The following ANKRD30BL variants were observed in gnomAD, a reference collection of about 807,000 sequenced individuals.
ANKRD30BL encodes ankyrin repeat domain 30B like.
ANKRD30BL carries 20 observed loss-of-function variants against 18.4 expected under a neutral mutation model. The observed-to-expected ratio is 1.09, with a 90% CI of 0.77 to 1.58. The LOEUF is 1.58. ANKRD30BL is among the 40% of genes most tolerant of loss of function. The pLI, the probability that ANKRD30BL is intolerant of heterozygous loss-of-function variation, is 0.00. For missense variants in ANKRD30BL, 224 were observed against 268.6 expected (o/e 0.83, Z 1.16); for synonymous variants, 72 against 100.9 (o/e 0.71, Z 1.72).
chr2:132,221,047 G>A (rs567617097), intron 1 of ANKRD30BL, among the ~76,000 whole-genome samples: 21 of 150,390 alleles, frequency 1.4e-4, no homozygotes, highest in African/African-American at 4.4e-4. Flanking sequence ...GCCTCTGCCC[G>A]GCCGCCCCGT....
intron 1 of ANKRD30BL, among the ~76,000 whole-genome samples, chr2:132,232,333 G>A (rs1195706533): frequency 1.3e-5 from 2 of 152,314 alleles, no homozygotes; most frequent in East Asian, 3.9e-4. Context: ...AAGCTGGATG[G>A]AGAATGACTT....
intron 1 of ANKRD30BL, among the ~76,000 whole-genome samples, chr2:132,241,625 G>T (rs1327958912): frequency 3.3e-5 from 5 of 151,772 alleles, no homozygotes; most frequent in Non-Finnish European, 5.9e-5. Context: ...CACTCTTTTT[G>T]TAGAATCTGC....
chr2:132,221,483 C>T lies in ANKRD30BL; in HGVS notation n.441+36046G>A, dbSNP rs1274089527. Among the ~76,000 whole-genome samples the T allele has an allele frequency of 1.5e-4, 19 of 128,998 alleles. 1 individual carries two copies. The highest frequency in any genetic ancestry group is 1.8e-4 in the African/African-American group (5 of 28,010). 84.6% of individuals were successfully genotyped at this position (128,998 alleles called of 152,430 possible). On this transcript the variant is annotated intron_variant and non_coding_transcript_variant, in intron 1 of 4. Coordinates refer to the ANKRD30BL transcript ENST00000470729. ...GAGGTGAGGGGCGCCTCTGCCTGGC[C>T]GCCCCTACTGGGAAGTGAGGAGCCC...
chr2:132,208,617 G>T (rs1175221828), intron 1 of ANKRD30BL, among the ~76,000 whole-genome samples: 1 of 151,936 alleles, frequency 6.6e-6, no homozygotes, highest in Non-Finnish European at 1.5e-5. Context: ...AGAAATTTCA[G>T]CTATTTACCA....
intron 1 of ANKRD30BL, among the ~76,000 whole-genome samples, chr2:132,235,525 G>A (rs1002140222): frequency 6.6e-6 from 1 of 152,050 alleles, no homozygotes; most frequent in African/African-American, 2.4e-5. Context: ...AAAATCACAA[G>A]CATTCTTATA....
intron 1 of ANKRD30BL, among the ~76,000 whole-genome samples, chr2:132,233,748 C>A (rs1394514721): frequency 1.4e-5 from 2 of 146,418 alleles, no homozygotes; most frequent in African/African-American, 2.5e-5. Flanking sequence ...GAGACTTTAA[C>A]ACCCCACTGT....
intron 1 of ANKRD30BL, among the ~76,000 whole-genome samples, chr2:132,194,652 T>C (rs1422849566): frequency 6.6e-6 from 1 of 152,232 alleles, no homozygotes; most frequent in Non-Finnish European, 1.5e-5. Context: ...TGCACCTTAG[T>C]CTGAAGATTC....
chr2:132,197,409 G>T (rs1451545531), intron 1 of ANKRD30BL, among the ~76,000 whole-genome samples: 1 of 151,944 alleles, frequency 6.6e-6, no homozygotes, highest in Non-Finnish European at 1.5e-5. Flanking sequence ...TTCAAAAAAA[G>T]TCTTAAAAGT....
chr2:132,157,703 T>G (rs1687948073), intron 1 of ANKRD30BL, among the ~76,000 whole-genome samples: 1 of 152,178 alleles, frequency 6.6e-6, no homozygotes, highest in South Asian at 2.1e-4. Context: ...TCACTTAACC[T>G]TTCTCTGCCT....
rs1687858140 is a variant in ANKRD30BL, at chr2:132,154,776, A to G, written c.508-8T>C. 2 of 687,050 alleles carry G rather than the reference A, an allele frequency of 2.9e-6. No homozygotes were observed. The highest frequency in any genetic ancestry group is 5.3e-6 in the Non-Finnish European group (2 of 375,248). 42.6% of individuals were successfully genotyped at this position (687,050 alleles called of 1,614,324 possible). A position where few individuals can be genotyped will look rare whatever the true frequency, so the allele number is the denominator to read the frequency against. ...AAGTGGTGTGTGGCCAGCCTGTAAAACAGCAAAAACAATTTATAATTCATG... is the reference window on the plus strand; with the variant it reads ...AAGTGGTGTGTGGCCAGCCTGTAAAGCAGCAAAAACAATTTATAATTCATG... On this transcript the variant is annotated splice_region_variant and splice_polypyrimidine_tract_variant and intron_variant, in intron 3 of 5. Transcript: ENST00000409867.
chr2:132,238,433 G>A (rs13423012), intron 1 of ANKRD30BL, among the ~76,000 whole-genome samples: 25,756 of 151,162 alleles, frequency 0.17, 4,800 homozygotes, highest in African/African-American at 0.47. Context: ...CCTTCTCTGG[G>A]AACGGGTATA....
intron 1 of ANKRD30BL, among the ~76,000 whole-genome samples, chr2:132,218,685 T>C (rs1165930908): frequency 6.6e-6 from 1 of 151,978 alleles, no homozygotes; most frequent in Non-Finnish European, 1.5e-5. Flanking sequence ...GATGTTTGCC[T>C]TCAACTCACA....
intron 1 of ANKRD30BL, among the ~76,000 whole-genome samples, chr2:132,244,685 T>C (rs372801202): frequency 5.3e-4 from 80 of 152,132 alleles, no homozygotes; most frequent in South Asian, 4.4e-3. Context: ...GAGAAGTTTT[T>C]AAACACTCTT....
chr2:132,210,188 C>T (rs138812842), intron 1 of ANKRD30BL, among the ~76,000 whole-genome samples: 3 of 128,770 alleles, frequency 2.3e-5, no homozygotes, highest in African/African-American at 6.0e-5. Context: ...ATAGTGGAAA[C>T]GGAAATATCT....
intron 1 of ANKRD30BL, among the ~76,000 whole-genome samples, chr2:132,254,027 A>AC (rs1464116071): frequency 7.5e-5 from 11 of 146,814 alleles, no homozygotes; most frequent in Non-Finnish European, 1.4e-4. Context: ...GGGCACTGAG[A>AC]CCCCCACCCC....
At chr2:132,193,009 A>T (rs1320350070) in intron 1 of ANKRD30BL, among the ~76,000 whole-genome samples, 1 of 152,218 alleles carries the variant, frequency 6.6e-6, no homozygotes, top group African/African-American at 2.4e-5. Context: ...CTGGGTTAGA[A>T]GCATATGAGT....
At chr2:132,254,322 T>C (rs77330269) in intron 1 of ANKRD30BL, among the ~76,000 whole-genome samples, 2 of 125,518 alleles carry the variant, frequency 1.6e-5, no homozygotes, top group African/African-American at 3.0e-5. Context: ...CATGGCGGCG[T>C]CTCCGTGGCT....
intron 1 of ANKRD30BL, among the ~76,000 whole-genome samples, chr2:132,254,678 A>G (rs1396942110): frequency 2.0e-5 from 3 of 152,222 alleles, no homozygotes; most frequent in Admixed American, 2.0e-4. Context: ...CAGTCAGTGT[A>G]GCGCGCGTGC....
chr2:132,158,919 T>C (rs1192528945), intron 1 of ANKRD30BL, among the ~76,000 whole-genome samples: 1 of 151,992 alleles, frequency 6.6e-6, no homozygotes, highest in Non-Finnish European at 1.5e-5. Context: ...AAGTAATAAT[T>C]AAATTACGGA....
Sources: allele counts gnomAD v4.1 joint callset (sites outside exome capture counted in the v4.1 genomes callset), GRCh38; gene constraint gnomAD v4.1.1; transcripts MANE v1.5; gene names NCBI Gene and HGNC (gene_info 2026-07-23, HGNC 2026-07-21).